ANKH: variants seen among roughly 807,000 people sequenced by gnomAD.
ANKH encodes mineralization regulator ANKH.
ANKH carries 15 observed loss-of-function variants against 49.0 expected under a neutral mutation model. That is an observed-to-expected ratio of 0.31 (90% CI 0.20 to 0.47). The LOEUF (loss-of-function observed/expected upper bound fraction) is 0.47, where lower values mean the gene tolerates loss of function less well. Among genes scored for constraint, ANKH ranks in the 20% least tolerant of loss-of-function variants. The probability of loss-of-function intolerance (pLI) is 1.00; values close to 1 mark genes in which losing one functional copy is unlikely to be tolerated. For synonymous variants in ANKH, 273 were observed against 260.0 expected (o/e 1.05, Z -0.48); for missense variants, 429 against 652.0 (o/e 0.66, Z 3.72).
rs574448432 is a variant in ANKH, at chr5:14,787,045, G to A, written c.97-17854C>T. On this transcript the variant is annotated intron_variant, in intron 1 of 11. Transcript: ENST00000284268. ...GCCCAAGAAACAGGCCGGGTGCGGT[G>A]GCTCACGCCTGTAATTCCAGCACTT... Among the ~76,000 whole-genome samples the A allele has an allele frequency of 1.7e-3, 256 of 152,334 alleles. 1 individual carries two copies. The highest frequency in any genetic ancestry group is 5.3e-3 in the African/African-American group (221 of 41,574).
intron 1 of ANKH, among the ~76,000 whole-genome samples, chr5:14,807,735 C>T (rs1740751070): frequency 6.6e-6 from 1 of 152,166 alleles, no homozygotes; most frequent in African/African-American, 2.4e-5. Context: ...CAATCCCAAC[C>T]TGACATCACT....
chr5:14,710,983 C>T lies in ANKH; in HGVS notation c.*214G>A, dbSNP rs1206329605. The T allele has an allele frequency of 3.5e-6, 2 of 565,284 alleles. No individual in the cohort carries two copies. The highest frequency in any genetic ancestry group is 3.8e-5 in the African/African-American group (2 of 52,990). The allele number at this position is 565,284 out of a possible 1,614,324, so 35.0% of individuals were successfully genotyped here. ...AAGTCAGTTGTTTCGTTTGTTTTTA[C>T]ATAGCAACAGTAAAGACCATTCACT... On this transcript the variant is annotated 3_prime_UTR_variant, in exon 12 of 12. Coordinates refer to ENST00000284268, the MANE Select transcript of ANKH (RefSeq NM_054027.6).
At chr5:14,823,221 C>T (rs1457947731) in intron 1 of ANKH, among the ~76,000 whole-genome samples, 1 of 152,032 alleles carries the variant, frequency 6.6e-6, no homozygotes, top group Non-Finnish European at 1.5e-5. Context: ...CATGAGTAGT[C>T]AGAAAGCCTA....
chr5:14,794,367 G>A (rs1243671082), intron 1 of ANKH, among the ~76,000 whole-genome samples: 1 of 152,262 alleles, frequency 6.6e-6, no homozygotes, highest in East Asian at 1.9e-4. Context: ...GGCAGGTGAA[G>A]TGCAGAGAGG....
At chr5:14,716,422 G>A (rs1400481585) in intron 9 of ANKH, among the ~76,000 whole-genome samples, 2 of 152,156 alleles carry the variant, frequency 1.3e-5, no homozygotes, top group East Asian at 1.9e-4. Context: ...AACCCGGGAG[G>A]CAGAGGTTGC....
At chr5:14,731,325 C>T (rs1413267279) in intron 8 of ANKH, among the ~76,000 whole-genome samples, 2 of 152,144 alleles carry the variant, frequency 1.3e-5, no homozygotes, top group South Asian at 2.1e-4. Context: ...TCCATAAGAA[C>T]GTAAGAACCC....
Position 14,709,707 on chromosome 5 carries a change from A to G in ANKH, c.*1490T>C, listed in dbSNP as rs776755741. 3 of 152,618 alleles carry G rather than the reference A, an allele frequency of 2.0e-5. No individual in the cohort carries two copies. The highest frequency in any genetic ancestry group is 4.4e-5 in the Non-Finnish European group (3 of 68,036). 9.5% of individuals were successfully genotyped at this position (152,618 alleles called of 1,614,324 possible). A position where few individuals can be genotyped will look rare whatever the true frequency, so the allele number is the denominator to read the frequency against. The stretch of plus-strand genomic sequence containing the variant: ...AGTTCTGTCATTTACTGAGCCTTAC[A>G]TTCAAATGCAAATGACGGACTTTAT... On this transcript the variant is annotated 3_prime_UTR_variant, in exon 12 of 12. Coordinates refer to ENST00000284268, the MANE Select transcript of ANKH (RefSeq NM_054027.6).
intron 1 of ANKH, among the ~76,000 whole-genome samples, chr5:14,809,225 AC>A (rs1376518642): frequency 1.6e-5 from 2 of 126,246 alleles, no homozygotes; most frequent in African/African-American, 6.0e-5. Context: ...TGGGAGATAT[AC>A]CTAATGCTAG....
At chr5:14,800,783 G>A (rs564324247) in intron 1 of ANKH, among the ~76,000 whole-genome samples, 9 of 146,922 alleles carry the variant, frequency 6.1e-5, no homozygotes, top group Admixed American at 2.1e-4. Flanking sequence ...TTGGAGTACA[G>A]TGATGTGAAC....
rs1443200014 is a variant in ANKH, at chr5:14,725,733, C to CT, written c.1012-8899dup. ...GTGGCTTCCACAAAGAACATGTATTCTTTTTATCAGAAAAACATTTTTTTT... is the reference window on the plus strand; with the variant it reads ...GTGGCTTCCACAAAGAACATGTATTCTTTTTTATCAGAAAAACATTTTTTTT... On this transcript the variant is annotated intron_variant, in intron 8 of 11. Transcript: ENST00000284268. The surrounding 1 kb of genome is among the most constrained non-coding windows in gnomAD (Gnocchi z 4.0). 7.9e-5 allele frequency among the ~76,000 whole-genome samples: 12 copies of CT among 152,188 alleles called. No individual in the cohort carries two copies. The highest frequency in any genetic ancestry group is 1.3e-4 in the Non-Finnish European group (9 of 68,024).
rs1343250546 is a variant in ANKH at position 14,712,985 on chromosome 5, A to T, written c.1266-12T>A. On this transcript the variant is annotated splice_polypyrimidine_tract_variant and intron_variant, in intron 10 of 11. Coordinates refer to ENST00000284268, the MANE Select transcript of ANKH (RefSeq NM_054027.6). The stretch of plus-strand genomic sequence containing the variant: ...TCGCACCGTGCACCCTGCAGATGAG[A>T]ACACAAAGGCAATTTGTCTGTTAAG... 1.9e-6 allele frequency: 3 copies of T among 1,609,650 alleles called. No homozygotes were observed. In the East Asian group the frequency reaches 6.7e-5, roughly 36 times the overall value.
intron 1 of ANKH, among the ~76,000 whole-genome samples, 188 bp from the exon 2 acceptor site, chr5:14,769,379 T>C (rs950752927): frequency 3.9e-5 from 6 of 152,196 alleles, no homozygotes; most frequent in Non-Finnish European, 5.9e-5. Flanking sequence ...TCAGTTTGAG[T>C]TTCTTTTTGT....
At chr5:14,721,715 G>A (rs1261002338) in intron 8 of ANKH, among the ~76,000 whole-genome samples, 1 of 152,122 alleles carries the variant, frequency 6.6e-6, no homozygotes, top group Non-Finnish European at 1.5e-5. Flanking sequence ...AGGATCACAA[G>A]GTCAGGAGAT....
intron 1 of ANKH, among the ~76,000 whole-genome samples, chr5:14,849,040 G>A (rs1005244816): frequency 3.5e-4 from 53 of 152,276 alleles, no homozygotes; most frequent in Non-Finnish European, 1.0e-4. Flanking sequence ...TTTAAAGGTG[G>A]GTGTGGTCAC....
chr5:14,813,690 G>A (rs927188256), intron 1 of ANKH, among the ~76,000 whole-genome samples: 1 of 152,130 alleles, frequency 6.6e-6, no homozygotes, highest in East Asian at 1.9e-4. Context: ...CACCTAATCT[G>A]TGTCTGCCAC....
At chr5:14,844,043 A>C (rs538570409) in intron 1 of ANKH, among the ~76,000 whole-genome samples, 1 of 152,362 alleles carries the variant, frequency 6.6e-6, no homozygotes, top group Admixed American at 6.5e-5. Flanking sequence ...ACCTGGAGTC[A>C]AGTTCCCATT....
chr5:14,724,146 C>T (rs1191697979), intron 8 of ANKH, among the ~76,000 whole-genome samples: 1 of 152,106 alleles, frequency 6.6e-6, no homozygotes, highest in Admixed American at 6.5e-5. Flanking sequence ...GGAGAAGCCC[C>T]ATCTCTACTA....
intron 1 of ANKH, 40 bp downstream of exon 1, chr5:14,871,312 G>GGCAGGGCGAGCGGGCGTGGGGC: frequency 6.3e-7 from 1 of 1,578,164 alleles, no homozygotes; most frequent in Non-Finnish European, 8.7e-7. Flanking sequence ...GTAAGGCCAA[G>GGCAGGGCGAGCGGGCGTGGGGC]GCAGGGCGAG....
intron 8 of ANKH, among the ~76,000 whole-genome samples, chr5:14,720,187 T>G (rs901473287): frequency 6.6e-6 from 1 of 152,220 alleles, no homozygotes; most frequent in African/African-American, 2.4e-5. Flanking sequence ...CTACGTATTT[T>G]CTGCATCTGG....
Sources: gnomAD v4.1 joint callset for allele counts (sites outside exome capture counted in the v4.1 genomes callset) on GRCh38, gnomAD v4.1.1 for gene constraint, Gnocchi (gnomAD v3.1) non-coding constraint, MANE v1.5 for transcripts, NCBI Gene and HGNC (gene_info 2026-07-23, HGNC 2026-07-21) for gene names.